PCDHA3: variants seen among roughly 807,000 people sequenced by gnomAD.
The protein encoded by PCDHA3 is protocadherin alpha 3, also known as protocadherin alpha-3.
PCDHA3 carries 41 observed loss-of-function variants against 62.2 expected under a neutral mutation model. The ratio of observed to expected loss-of-function variants is 0.66; its 90% CI spans 0.51 to 0.86. The LOEUF is 0.86. Among genes scored for constraint, PCDHA3 ranks in the 40% least tolerant of loss-of-function variants. The probability of loss-of-function intolerance (pLI) is 0.00; values close to 1 mark genes in which losing one functional copy is unlikely to be tolerated. For missense variants in PCDHA3, 1,304 were observed against 1,241.2 expected (o/e 1.05, Z -0.76); for synonymous variants, 640 against 555.4 (o/e 1.15, Z -2.14).
At chr5:140,873,417 AATT>A (rs1443232738) in intron 1 of PCDHA3, among the ~76,000 whole-genome samples, 1 of 152,164 alleles carries the variant, frequency 6.6e-6, no homozygotes. Flanking sequence ...AAATTTTGTA[AATT>A]ATTATTTTAT....
intron 1 of PCDHA3, chr5:140,825,958 CT>C (rs1175194482): frequency 1.3e-5 from 2 of 152,338 alleles, no homozygotes; most frequent in African/African-American, 2.4e-5. Flanking sequence ...CATTTGTCTA[CT>C]CTTTTGAGGG....
chr5:140,830,306 C>T, intron 1 of PCDHA3: 11 of 1,613,980 alleles, frequency 6.8e-6, no homozygotes, highest in Non-Finnish European at 9.3e-6. Context: ...CAAGCCCACG[C>T]TGGTGTGCTC....
chr5:140,925,402 T>C (rs1379767028), intron 1 of PCDHA3, among the ~76,000 whole-genome samples: 1 of 152,110 alleles, frequency 6.6e-6, no homozygotes, highest in Non-Finnish European at 1.5e-5. Context: ...CTCGCCTCCT[T>C]CTTAGGGAAA....
At position 140,869,155 on chromosome 5, in the gene PCDHA3, C is replaced by G. The variant is rs74664704; in HGVS notation, c.2394+65564C>G. On this transcript the variant is annotated intron_variant, in intron 1 of 3. Transcript: ENST00000522353. The stretch of plus-strand genomic sequence containing the variant: ...GGGCACCCCACGACTACAGCTCTGG[C>G]TTCTCCTCCTCGAATTCTGGGAGGT... 3.7e-4 allele frequency: 593 copies of G among 1,613,808 alleles called. 1 individual carries two copies. In the African/African-American group the frequency reaches 7.1e-3, roughly 19 times the overall value.
intron 1 of PCDHA3, among the ~76,000 whole-genome samples, chr5:140,941,542 C>T (rs782270560): frequency 4.0e-5 from 6 of 151,842 alleles, no homozygotes; most frequent in Non-Finnish European, 7.4e-5. Context: ...GTCTTGAACT[C>T]CTGACCTCGT....
intron 1 of PCDHA3, among the ~76,000 whole-genome samples, chr5:140,978,200 C>T (rs2096792236): frequency 6.6e-6 from 1 of 152,220 alleles, no homozygotes. Context: ...TTTCAATACA[C>T]AACTAATGCA....
intron 1 of PCDHA3, chr5:140,867,238 T>C (rs2049839993): frequency 1.3e-5 from 2 of 152,118 alleles, no homozygotes; most frequent in African/African-American, 4.8e-5. Context: ...AATAAGGTGA[T>C]TGAGGATCTG....
chr5:140,977,335 A>T (rs1341928835), intron 1 of PCDHA3, among the ~76,000 whole-genome samples: 19 of 152,322 alleles, frequency 1.2e-4, no homozygotes, highest in Admixed American at 1.1e-3. Context: ...GAGGGGAGAG[A>T]CGGTGATGAT....
At chr5:140,866,727 T>C (rs1254232410) in intron 1 of PCDHA3, 1 of 152,170 alleles carries the variant, frequency 6.6e-6, no homozygotes, top group East Asian at 1.9e-4. Context: ...CATTAAACTA[T>C]GCACTCTAAT....
chr5:140,814,543 A>G (rs1410934884), intron 1 of PCDHA3: 1 of 152,098 alleles, frequency 6.6e-6, no homozygotes, highest in Non-Finnish European at 1.5e-5. Flanking sequence ...AAGCAGTAAC[A>G]TTTACTATCT....
chr5:140,924,701 C>A (rs2081959929), intron 1 of PCDHA3, among the ~76,000 whole-genome samples: 1 of 152,008 alleles, frequency 6.6e-6, no homozygotes, highest in African/African-American at 2.4e-5. Flanking sequence ...TCGAGACCAG[C>A]TTGTGCAACA....
At chr5:140,822,890 G>A (rs976466535) in intron 1 of PCDHA3, 1 of 1,614,218 alleles carries the variant, frequency 6.2e-7, no homozygotes, top group Non-Finnish European at 8.5e-7. Context: ...GCTCTGATCA[G>A]CGTGTCTGAC....
intron 1 of PCDHA3, chr5:140,805,434 T>G: frequency 1.9e-6 from 2 of 1,052,646 alleles, no homozygotes; most frequent in South Asian, 7.1e-5. Context: ...GTTGTTTTGG[T>G]TTTTGTGTGT....
chr5:140,841,273 T>G, intron 1 of PCDHA3: 30 of 1,504,326 alleles, frequency 2.0e-5, no homozygotes, highest in Middle Eastern at 1.8e-4. Context: ...GTACAGTCGT[T>G]CATCTTTATA....
intron 1 of PCDHA3, among the ~76,000 whole-genome samples, chr5:140,898,622 A>G (rs1286354840): frequency 7.9e-5 from 12 of 152,290 alleles, no homozygotes; most frequent in African/African-American, 2.6e-4. Context: ...GTCAGGTAGC[A>G]TAATGCCTCC....
chr5:140,910,281 A>G (rs1198162778), intron 1 of PCDHA3, among the ~76,000 whole-genome samples: 4 of 151,152 alleles, frequency 2.6e-5, no homozygotes, highest in East Asian at 2.0e-4. Context: ...TAGGAACACC[A>G]TGATTAATCA....
intron 1 of PCDHA3, among the ~76,000 whole-genome samples, chr5:140,970,696 C>T (rs2096425637): frequency 6.6e-6 from 1 of 152,144 alleles, no homozygotes; most frequent in Admixed American, 6.5e-5. Flanking sequence ...GCTTTTAGAG[C>T]TACTACACAA....
intron 1 of PCDHA3, chr5:140,805,621 ATGTAT>A: frequency 1.1e-6 from 1 of 916,950 alleles, no homozygotes; most frequent in East Asian, 1.2e-4. Flanking sequence ...ATGTAAGAAA[ATGTAT>A]TGTGGTTTAT....
chr5:140,844,668 T>C lies in PCDHA3; in HGVS notation c.2394+41077T>C, dbSNP rs2150373115. Among the ~76,000 whole-genome samples, 20 of 149,718 alleles carry C rather than the reference T, an allele frequency of 1.3e-4. 1 individual carries two copies. The highest frequency in any genetic ancestry group is 4.9e-4 in the African/African-American group (20 of 40,994). On this transcript the variant is annotated intron_variant, in intron 1 of 3. Transcript: ENST00000522353. ...TCATTCTTGCAAACCAAACATATAA[T>C]TTATAAATCCTTATTATACAGAATA... is the stretch of plus-strand genomic sequence containing the variant.
Sources: gnomAD v4.1 joint callset for allele counts (sites outside exome capture counted in the v4.1 genomes callset) on GRCh38, gnomAD v4.1.1 for gene constraint, MANE v1.5 for transcripts, NCBI Gene and HGNC (gene_info 2026-07-23, HGNC 2026-07-21) for gene names.